The following SLC35F4 variants were observed in gnomAD, a reference collection of about 807,000 sequenced individuals.
SLC35F4 encodes chromosome 14 open reading frame 36.
Under a neutral mutation model 44.2 loss-of-function variants are expected in SLC35F4, and 24 were observed. That is an observed-to-expected ratio of 0.54 (90% CI 0.39 to 0.76). The LOEUF (loss-of-function observed/expected upper bound fraction) is 0.76. Ranked by LOEUF, SLC35F4 falls within the 30% of genes least tolerant of loss-of-function variation. The pLI is 0.00. For missense variants in SLC35F4, 562 were observed against 586.1 expected, an observed-to-expected ratio of 0.96 and a Z score of 0.42; for synonymous variants, 238 against 223.6, an observed-to-expected ratio of 1.06 and a Z score of -0.57.
intron 1 of SLC35F4, among the ~76,000 whole-genome samples, chr14:57,874,788 C>G (rs1317353534): frequency 6.6e-6 from 1 of 152,206 alleles, no homozygotes; most frequent in Non-Finnish European, 1.5e-5. Context: ...TTTCTGTCTT[C>G]CTCTGGCTGA....
chr14:57,927,480 A>G (rs1158074832), intron 1 of SLC35F4, among the ~76,000 whole-genome samples: 1 of 144,942 alleles, frequency 6.9e-6, no homozygotes, highest in Non-Finnish European at 1.5e-5. Flanking sequence ...TTTTTTTTTT[A>G]ATTACTTTTC....
chr14:57,925,574 G>A (rs920229463), intron 1 of SLC35F4, among the ~76,000 whole-genome samples: 13 of 150,754 alleles, frequency 8.6e-5, no homozygotes, highest in African/African-American at 2.9e-4. Flanking sequence ...TGACAGGCAG[G>A]AGAGTCCTGG....
At chr14:57,727,071 T>A (rs1201775483) in intron 1 of SLC35F4, among the ~76,000 whole-genome samples, 1 of 151,998 alleles carries the variant, frequency 6.6e-6, no homozygotes, top group Non-Finnish European at 1.5e-5. Context: ...GCAGATGGCC[T>A]ATTGTGGGAC....
intron 1 of SLC35F4, among the ~76,000 whole-genome samples, chr14:57,702,331 TAAA>T (rs5808935): frequency 0.011 from 1,543 of 136,622 alleles, 32 homozygotes; most frequent in African/African-American, 0.039. Context: ...TCATTTTCTT[TAAA>T]AAAAAAAAAA....
intron 1 of SLC35F4, among the ~76,000 whole-genome samples, chr14:57,617,132 T>TTTTTTTC (rs1252796086): frequency 2.4e-5 from 3 of 125,666 alleles, no homozygotes; most frequent in Non-Finnish European, 1.7e-5. Flanking sequence ...TACTTATTCT[T>TTTTTTTC]TTTTTTTTTT....
rs2074871290 is a variant in SLC35F4, at chr14:57,680,804, A to G, written c.104-86680T>C. ...AGAGAATAAAATACCTAGGAATTCAACTTATAAGGGATGTGAAGGACCTCT... is the reference window on the plus strand; with the variant it reads ...AGAGAATAAAATACCTAGGAATTCAGCTTATAAGGGATGTGAAGGACCTCT... On this transcript the variant is annotated intron_variant, in intron 1 of 7. Transcript: ENST00000556826. 3.3e-5 allele frequency among the ~76,000 whole-genome samples: 5 copies of G among 152,214 alleles called. 1 individual carries two copies. The South Asian group carries it at 1.0e-3, about 31-fold the overall frequency.
intron 1 of SLC35F4, among the ~76,000 whole-genome samples, chr14:57,950,279 C>G (rs1295633993): frequency 6.6e-6 from 1 of 151,814 alleles, no homozygotes; most frequent in African/African-American, 2.4e-5. Flanking sequence ...GCCTTGTCTT[C>G]AAGCTCTGAA....
intron 1 of SLC35F4, among the ~76,000 whole-genome samples, chr14:57,667,672 G>T (rs1192015471): frequency 6.6e-6 from 1 of 151,682 alleles, no homozygotes; most frequent in Non-Finnish European, 1.5e-5. Flanking sequence ...ACTCATCCTT[G>T]TTTATGGCTG....
At chr14:57,674,356 C>G (rs989403227) in intron 1 of SLC35F4, among the ~76,000 whole-genome samples, 1 of 152,238 alleles carries the variant, frequency 6.6e-6, no homozygotes, top group African/African-American at 2.4e-5. Flanking sequence ...ACCAATTCTA[C>G]TTCATGATGT....
At chr14:57,927,105 C>A (rs777674743) in intron 1 of SLC35F4, among the ~76,000 whole-genome samples, 4 of 152,180 alleles carry the variant, frequency 2.6e-5, no homozygotes, top group Admixed American at 6.5e-5. Flanking sequence ...CAAGTGACAC[C>A]CCACTGACAC....
intron 1 of SLC35F4, among the ~76,000 whole-genome samples, chr14:57,851,366 A>G (rs1886545697): frequency 6.6e-6 from 1 of 152,208 alleles, no homozygotes; most frequent in Admixed American, 6.5e-5. Flanking sequence ...CTGCATGAAA[A>G]TGTTTGGTGT....
At chr14:57,763,056 C>T (rs2140635992) in intron 1 of SLC35F4, among the ~76,000 whole-genome samples, 1 of 152,266 alleles carries the variant, frequency 6.6e-6, no homozygotes, top group East Asian at 1.9e-4. Context: ...TCTAAATTAT[C>T]AATCTTACTC....
intron 1 of SLC35F4, among the ~76,000 whole-genome samples, chr14:57,713,403 C>T: frequency 6.6e-6 from 1 of 152,148 alleles, no homozygotes; most frequent in Non-Finnish European, 1.5e-5. Context: ...TTTCCTCTTT[C>T]TCCAGTTTTA....
chr14:57,849,923 C>T lies in SLC35F4; in HGVS notation c.103+15800G>A, dbSNP rs192548699. On this transcript the variant is annotated intron_variant, in intron 1 of 7. Coordinates refer to ENST00000556826, the MANE Select transcript of SLC35F4 (RefSeq NM_001306087.2). ...CCTGAGGAAACTTTGGAAACCAGTACGTCTTGGTAAAGGATACACTGGTTT... is the reference window on the plus strand; with the variant it reads ...CCTGAGGAAACTTTGGAAACCAGTATGTCTTGGTAAAGGATACACTGGTTT... Among the ~76,000 whole-genome samples the T allele has an allele frequency of 1.4e-3, 207 of 152,256 alleles. 6 individuals carry two copies. Among genetic ancestry groups the T allele is most frequent in the Admixed American group, 0.012 (183 of 15,282 alleles).
chr14:57,647,133 T>C (rs567410018), intron 1 of SLC35F4, among the ~76,000 whole-genome samples: 16 of 152,062 alleles, frequency 1.1e-4, no homozygotes, highest in Non-Finnish European at 2.2e-4. Context: ...AGATGTCTAT[T>C]AGGTCCGCTT....
intron 1 of SLC35F4, among the ~76,000 whole-genome samples, chr14:57,668,920 C>G (rs1204294165): frequency 6.6e-6 from 1 of 151,994 alleles, no homozygotes. Flanking sequence ...TTACCTTGGG[C>G]AGTATGGCCA....
intron 4 of SLC35F4, among the ~76,000 whole-genome samples, chr14:57,576,914 C>T (rs1223525741): frequency 6.6e-6 from 1 of 152,082 alleles, no homozygotes; most frequent in Non-Finnish European, 1.5e-5. Flanking sequence ...TTACAGATTC[C>T]TTGAGGGTGT....
At position 57,950,615 on chromosome 14, in the gene SLC35F4, C is replaced by A. The variant is rs113248837; in HGVS notation, n.282+31298G>T. Among the ~76,000 whole-genome samples, 528 of 151,142 alleles carry A rather than the reference C, an allele frequency of 3.5e-3. 4 individuals carry two copies. The highest frequency in any genetic ancestry group is 0.012 in the African/African-American group (499 of 41,106). ...ATAGGACTCTGTTTTGTCATATTAC[C>A]AAAATTACTTTTCCAGCCCATTGTC... On this transcript the variant is annotated intron_variant and non_coding_transcript_variant, in intron 1 of 1. Coordinates refer to the SLC35F4 transcript ENST00000556568.
At chr14:57,745,155 T>A (rs1351973332) in intron 1 of SLC35F4, among the ~76,000 whole-genome samples, 1 of 152,200 alleles carries the variant, frequency 6.6e-6, no homozygotes, top group East Asian at 1.9e-4. Context: ...GGCAATACCA[T>A]TCAGGACATA....
Sources: gnomAD v4.1 joint callset for allele counts (sites outside exome capture counted in the v4.1 genomes callset) on GRCh38, gnomAD v4.1.1 for gene constraint, MANE v1.5 for transcripts, NCBI Gene and HGNC (gene_info 2026-07-23, HGNC 2026-07-21) for gene names.